The following TBC1D12 variants were observed in gnomAD, a reference collection of about 807,000 sequenced individuals.
TBC1D12 encodes TBC1 domain family member 12.
Under a neutral mutation model 86.7 loss-of-function variants are expected in TBC1D12, and 56 were observed. The observed-to-expected ratio is 0.65, with a 90% confidence interval of 0.52 to 0.81. The LOEUF is 0.81. Ranked by LOEUF, TBC1D12 falls within the 30% of genes least tolerant of loss-of-function variation. TBC1D12 has a pLI of 0.00. For missense variants in TBC1D12, 1,023 were observed against 1,038.8 expected (o/e 0.98, Z 0.21); for synonymous variants, 421 against 411.7 (o/e 1.02, Z -0.27).
intron 2 of TBC1D12, among the ~76,000 whole-genome samples, chr10:94,472,035 T>C (rs1017086514): frequency 1.3e-5 from 2 of 152,194 alleles, no homozygotes; most frequent in Non-Finnish European, 2.9e-5. Flanking sequence ...TTTAAGTGGA[T>C]TGGGGATTCA....
At chr10:94,423,839 G>T (rs2055112332) in intron 1 of TBC1D12, among the ~76,000 whole-genome samples, 1 of 152,112 alleles carries the variant, frequency 6.6e-6, no homozygotes, top group African/African-American at 2.4e-5. Context: ...AGAAGGAATG[G>T]CAGAGTGGGA....
chr10:94,517,283 C>A (rs1200417930), intron 9 of TBC1D12, among the ~76,000 whole-genome samples: 1 of 152,094 alleles, frequency 6.6e-6, no homozygotes, highest in South Asian at 2.1e-4. Flanking sequence ...GAGGCTGAGC[C>A]ACGAGAATTG....
At chr10:94,459,711 C>G (rs565731758) in intron 2 of TBC1D12, among the ~76,000 whole-genome samples, 7 of 152,300 alleles carry the variant, frequency 4.6e-5, no homozygotes, top group African/African-American at 7.2e-5. Flanking sequence ...GCTGGGGGAC[C>G]CGGCACACCC....
chr10:94,535,802 T>C lies in TBC1D12; in HGVS notation c.*2706T>C, dbSNP rs1419256544. The C allele has an allele frequency of 6.6e-6, 1 of 152,200 alleles. No individual in the cohort carries two copies. Among genetic ancestry groups the C allele is most frequent in the African/African-American group, 2.4e-5 (1 of 41,458 alleles). 9.4% of individuals were successfully genotyped at this position (152,200 alleles called of 1,614,324 possible). On this transcript the variant is annotated 3_prime_UTR_variant, in exon 13 of 13. Coordinates refer to ENST00000225235, the MANE Select transcript of TBC1D12 (RefSeq NM_015188.2). ...CCTAAGTTACTGTATTTGTTTTTCT[T>C]ATTTTTTTATTATTGTACAGTTTCT...
chr10:94,494,700 C>T (rs538717346), intron 4 of TBC1D12, among the ~76,000 whole-genome samples: 44 of 152,096 alleles, frequency 2.9e-4, no homozygotes, highest in Admixed American at 1.6e-3. Flanking sequence ...TGCACCACCA[C>T]GCCCAGTTAA....
At chr10:94,487,011 C>T (rs973228992) in intron 3 of TBC1D12, among the ~76,000 whole-genome samples, 4 of 152,158 alleles carry the variant, frequency 2.6e-5, no homozygotes, top group South Asian at 2.1e-4. Flanking sequence ...TATAGATTTA[C>T]AATTGTTATA....
At chr10:94,471,983 T>C (rs1175577465) in intron 2 of TBC1D12, among the ~76,000 whole-genome samples, 1 of 152,228 alleles carries the variant, frequency 6.6e-6, no homozygotes, top group Non-Finnish European at 1.5e-5. Context: ...TCATATTGCA[T>C]CATACAAGAA....
chr10:94,518,899 A>G (rs1287941875), intron 9 of TBC1D12, among the ~76,000 whole-genome samples: 1 of 151,936 alleles, frequency 6.6e-6, no homozygotes, highest in Non-Finnish European at 1.5e-5. Context: ...ACATGGTAAA[A>G]CCCCGTCACT....
chr10:94,510,112 A>C lies in TBC1D12; in HGVS notation c.1622A>C (p.Glu541Ala), dbSNP rs1374426975. ...GCAGGTGTATCTGTTGCTGATCGAG[A>C]GGCCAGTCTGGAATTAATTAAGTTG... ...DTEGVSVADR[E>A]ASLELIKLDI... Residue 541 changes from glutamate to alanine, a missense_variant, in exon 8 of 13, where the codon GAG (glutamate) becomes GCG (alanine). Coordinates refer to ENST00000225235, the MANE Select transcript of TBC1D12 (RefSeq NM_015188.2). 1 of 1,609,492 alleles carries C rather than the reference A, an allele frequency of 6.2e-7. No individual in the cohort carries two copies. The highest frequency in any genetic ancestry group is 1.7e-5 in the Admixed American group (1 of 58,598).
chr10:94,475,906 C>G (rs1213035210), intron 3 of TBC1D12, among the ~76,000 whole-genome samples: 2 of 151,804 alleles, frequency 1.3e-5, no homozygotes, highest in Non-Finnish European at 1.5e-5. Context: ...TTTTTTTTTA[C>G]TAGGATTGTC....
rs997433248 is a variant in TBC1D12 at position 94,493,286 on chromosome 10, G to A, written c.1212-79G>A. 9.5e-6 allele frequency: 10 copies of A among 1,047,592 alleles called. No individual in the cohort carries two copies. In the African/African-American group the frequency reaches 1.3e-4, roughly 13 times the overall value. The allele number at this position is 1,047,592 out of a possible 1,614,324, so 64.9% of individuals were successfully genotyped here. On this transcript the variant is annotated intron_variant, in intron 3 of 12. Transcript: ENST00000225235. The stretch of plus-strand genomic sequence containing the variant: ...TTAGTTTAGAAATTCTTTGCATCTG[G>A]GTGTAAAAACAAATAAGTTAGTAAG...
intron 3 of TBC1D12, among the ~76,000 whole-genome samples, chr10:94,488,633 T>C (rs2056203674): frequency 6.6e-6 from 1 of 151,408 alleles, no homozygotes; most frequent in African/African-American, 2.4e-5. Context: ...CTCAAGTGAT[T>C]TGCCCGCTTC....
rs1225358004 is a variant in TBC1D12 at position 94,487,857 on chromosome 10, C to T, written c.1212-5508C>T. Among the ~76,000 whole-genome samples the T allele has an allele frequency of 2.2e-5, 3 of 138,818 alleles. No homozygotes were observed. The Admixed American group carries it at 2.2e-4, about 10-fold the overall frequency. The allele number at this position is 138,818 out of a possible 152,430, so 91.1% of individuals were successfully genotyped here. A position where few individuals can be genotyped will look rare whatever the true frequency, so the allele number is the denominator to read the frequency against. ...GACTACAGGTGCATGCCACCATACC[C>T]AGCTGGTTTTTTTTTTGTTTTTTTA... On this transcript the variant is annotated intron_variant, in intron 3 of 12. Coordinates refer to ENST00000225235, the MANE Select transcript of TBC1D12 (RefSeq NM_015188.2).
chr10:94,510,061 A>G, intron 7 of TBC1D12, 30 bp from the exon 8 acceptor site: 1 of 1,553,360 alleles, frequency 6.4e-7, no homozygotes, highest in Non-Finnish European at 8.8e-7. Flanking sequence ...CCAAGTGATC[A>G]TTTAAATTGT....
At chr10:94,485,285 G>A (rs766950078) in intron 3 of TBC1D12, among the ~76,000 whole-genome samples, 16 of 152,128 alleles carry the variant, frequency 1.1e-4, no homozygotes, top group Non-Finnish European at 1.8e-4. Flanking sequence ...GTGTTTTAGG[G>A]CTTTTATTAT....
At chr10:94,443,872 G>T (rs561513140) in intron 2 of TBC1D12, among the ~76,000 whole-genome samples, 1 of 152,198 alleles carries the variant, frequency 6.6e-6, no homozygotes, top group African/African-American at 2.4e-5. Flanking sequence ...AATTAATTGC[G>T]GTTATTTAAG....
intron 1 of TBC1D12, among the ~76,000 whole-genome samples, chr10:94,415,985 T>G (rs1287816720): frequency 6.6e-6 from 1 of 152,200 alleles, no homozygotes; most frequent in African/African-American, 2.4e-5. Context: ...AAAATTTTCT[T>G]GAGTAAAATA....
intron 2 of TBC1D12, among the ~76,000 whole-genome samples, chr10:94,449,539 T>C (rs951108841): frequency 4.6e-5 from 7 of 152,308 alleles, no homozygotes; most frequent in Non-Finnish European, 7.4e-5. Context: ...TGTAAGAGAC[T>C]CTATCTTGGG....
chr10:94,424,572 T>C (rs1305911073), intron 1 of TBC1D12, among the ~76,000 whole-genome samples: 2 of 152,230 alleles, frequency 1.3e-5, no homozygotes, highest in Non-Finnish European at 2.9e-5. Flanking sequence ...ATTGAAACAC[T>C]GTGCTGTGAT....
Sources: gnomAD v4.1 joint callset for allele counts (sites outside exome capture counted in the v4.1 genomes callset) on GRCh38, gnomAD v4.1.1 for gene constraint, MANE v1.5 for transcripts, NCBI Gene and HGNC (gene_info 2026-07-23, HGNC 2026-07-21) for gene names.